The following PCDH7 variants were observed in gnomAD, a reference collection of about 807,000 sequenced individuals.
The protein encoded by PCDH7 is protocadherin 7.
A neutral mutation model predicts 58.9 loss-of-function variants in PCDH7; 17 were observed. The observed-to-expected ratio is 0.29, with a 90% CI of 0.20 to 0.43. The LOEUF (loss-of-function observed/expected upper bound fraction) is 0.43. PCDH7 is among the 20% of genes least tolerant of loss of function. PCDH7 has a pLI of 1.00. For missense variants in PCDH7, 1,274 were observed against 1,441.0 expected, an observed-to-expected ratio of 0.88 and a Z score of 1.88; for synonymous variants, 664 against 616.4, an observed-to-expected ratio of 1.08 and a Z score of -1.14.
At chr4:30,798,209 G>T (rs1234685284) in intron 1 of PCDH7, among the ~76,000 whole-genome samples, 1 of 152,174 alleles carries the variant, frequency 6.6e-6, no homozygotes, top group Non-Finnish European at 1.5e-5. Context: ...AACTTGGGAG[G>T]AATGGGAGTC....
At chr4:31,134,622 A>G (rs1166686434) in intron 3 of PCDH7, among the ~76,000 whole-genome samples, 1 of 152,198 alleles carries the variant, frequency 6.6e-6, no homozygotes, top group Non-Finnish European at 1.5e-5. Context: ...CAAAACAAAC[A>G]AACACACAAA....
intron 1 of PCDH7, among the ~76,000 whole-genome samples, chr4:30,918,404 A>G (rs28538585): frequency 0.013 from 1,929 of 152,106 alleles, 37 homozygotes; most frequent in African/African-American, 0.044. Context: ...GTACAAATTG[A>G]TTTCTTTATT....
At chr4:30,830,607 C>G (rs928310379) in intron 1 of PCDH7, among the ~76,000 whole-genome samples, 1 of 152,018 alleles carries the variant, frequency 6.6e-6, no homozygotes, top group Non-Finnish European at 1.5e-5. Context: ...TCTTGACTCT[C>G]TTTCCTGCTC....
intron 3 of PCDH7, among the ~76,000 whole-genome samples, chr4:31,000,614 C>G (rs751730058): frequency 6.6e-6 from 1 of 151,826 alleles, no homozygotes; most frequent in Non-Finnish European, 1.5e-5. Flanking sequence ...ATGGTAGGAC[C>G]CATTCATCGC....
intron 3 of PCDH7, among the ~76,000 whole-genome samples, chr4:31,047,829 A>T (rs1304410220): frequency 6.6e-6 from 1 of 152,078 alleles, no homozygotes; most frequent in Non-Finnish European, 1.5e-5. Flanking sequence ...TTCTGCAGTC[A>T]TAAATGACTT....
intron 1 of PCDH7, among the ~76,000 whole-genome samples, chr4:30,755,921 A>T (rs1015713041): frequency 6.6e-6 from 1 of 152,084 alleles, no homozygotes; most frequent in African/African-American, 2.4e-5. Flanking sequence ...TCTACTACCA[A>T]TACAAAAATT....
At chr4:31,084,777 G>A (rs1403689029) in intron 3 of PCDH7, among the ~76,000 whole-genome samples, 1 of 107,586 alleles carries the variant, frequency 9.3e-6, no homozygotes, top group Admixed American at 9.6e-5. Flanking sequence ...GGGAGGAGGG[G>A]GAGGGGACGG....
chr4:31,132,299 T>A lies in PCDH7; in HGVS notation c.*8-10174T>A, dbSNP rs79009172. 6.6e-3 allele frequency among the ~76,000 whole-genome samples: 1,005 copies of A among 152,250 alleles called. 15 individuals carry two copies. Among genetic ancestry groups the A allele is most frequent in the African/African-American group, 0.023 (961 of 41,576 alleles). ...TCTCATTTTTCCCCCATCTTTTTAT[T>A]TGTGTAAAAGTATATGTCATGGGGG... On this transcript the variant is annotated intron_variant, in intron 3 of 3. Transcript: ENST00000509759.
At chr4:31,057,839 G>A (rs1757376610) in intron 3 of PCDH7, among the ~76,000 whole-genome samples, 1 of 152,000 alleles carries the variant, frequency 6.6e-6, no homozygotes, top group Non-Finnish European at 1.5e-5. Flanking sequence ...AAATATCCTT[G>A]TAAGATACTT....
intron 3 of PCDH7, among the ~76,000 whole-genome samples, chr4:30,987,129 TATG>T (rs1458732630): frequency 6.6e-6 from 1 of 152,200 alleles, no homozygotes; most frequent in Non-Finnish European, 1.5e-5. Context: ...TTTATGATTT[TATG>T]ATGAGAAAGC....
At chr4:30,929,065 T>C (rs1289682824) in intron 2 of PCDH7, among the ~76,000 whole-genome samples, 2 of 152,154 alleles carry the variant, frequency 1.3e-5, no homozygotes, top group African/African-American at 2.4e-5. Flanking sequence ...TTACTAAAAA[T>C]ATGTGTGCTG....
At chr4:30,776,611 C>G (rs1047849232) in intron 1 of PCDH7, among the ~76,000 whole-genome samples, 4 of 152,142 alleles carry the variant, frequency 2.6e-5, no homozygotes, top group African/African-American at 7.2e-5. Context: ...AACATTCCTT[C>G]CTGAGACCGT....
chr4:30,878,598 G>T (rs970247787), intron 1 of PCDH7, among the ~76,000 whole-genome samples: 1 of 152,050 alleles, frequency 6.6e-6, no homozygotes, highest in South Asian at 2.1e-4. Context: ...TGATATAAAA[G>T]AAATATTTGG....
intron 1 of PCDH7, among the ~76,000 whole-genome samples, chr4:30,889,566 A>G (rs114459699): frequency 6.0e-4 from 92 of 152,278 alleles, no homozygotes; most frequent in African/African-American, 2.1e-3. Context: ...TTGAGCTACC[A>G]TAACAAAATA....
chr4:30,768,016 GTTTAATAAT>G (rs965504676), intron 1 of PCDH7, among the ~76,000 whole-genome samples: 2 of 152,002 alleles, frequency 1.3e-5, no homozygotes, highest in African/African-American at 4.8e-5. Context: ...TGAAAACATT[GTTTAATAAT>G]TTTAATAGTC....
intron 3 of PCDH7, among the ~76,000 whole-genome samples, chr4:31,103,366 G>A (rs940227404): frequency 2.0e-5 from 3 of 151,792 alleles, no homozygotes; most frequent in East Asian, 1.9e-4. Flanking sequence ...TTGAGACAGC[G>A]TCTTGCTCTG....
chr4:31,106,915 C>T (rs972598909), intron 3 of PCDH7, among the ~76,000 whole-genome samples: 1 of 152,116 alleles, frequency 6.6e-6, no homozygotes, highest in Admixed American at 6.5e-5. Context: ...GCATCTCATC[C>T]TTTCCTAATA....
intron 1 of PCDH7, among the ~76,000 whole-genome samples, chr4:30,866,731 G>A (rs925911387): frequency 6.6e-6 from 1 of 150,846 alleles, no homozygotes; most frequent in Non-Finnish European, 1.5e-5. Flanking sequence ...CTTTTGATGT[G>A]TTTTTACTCC....
chr4:31,056,458 G>GAAAGAAAGAAA (rs376643176), intron 3 of PCDH7, among the ~76,000 whole-genome samples: 1 of 83,156 alleles, frequency 1.2e-5, no homozygotes, highest in African/African-American at 5.7e-5. Flanking sequence ...AAGAAAGAAA[G>GAAAGAAAGAAA]AAGAAAGAAA....
Sources: allele counts gnomAD v4.1 joint callset (sites outside exome capture counted in the v4.1 genomes callset), GRCh38; gene constraint gnomAD v4.1.1; transcripts MANE v1.5; gene names NCBI Gene and HGNC (gene_info 2026-07-23, HGNC 2026-07-21).